NBEAL1: variants seen among roughly 807,000 people sequenced by gnomAD.
NBEAL1 encodes the protein neurobeachin like 1, also known as neurobeachin-like protein 1.
Under a neutral mutation model 351.3 loss-of-function variants are expected in NBEAL1, and 273 were observed. The observed-to-expected ratio is 0.78, with a 90% CI of 0.70 to 0.86. The LOEUF (loss-of-function observed/expected upper bound fraction) is 0.86. Among genes scored for constraint, NBEAL1 ranks in the 40% least tolerant of loss-of-function variants. NBEAL1 has a pLI of 0.00. For synonymous variants in NBEAL1, 1,050 were observed against 1,086.4 expected, an observed-to-expected ratio of 0.97 and a Z score of 0.66; for missense variants, 2,961 against 3,201.3, an observed-to-expected ratio of 0.92 and a Z score of 1.81.
Position 203,136,774 on chromosome 2 carries a change from C to A in NBEAL1, c.4565C>A (p.Thr1522Asn). Residue 1522 changes from threonine to asparagine, a missense_variant and splice_region_variant, in exon 29 of 56, where the codon ACT (threonine) becomes AAT (asparagine). By Grantham distance (65) the Thr-to-Asn change is moderately conservative. Transcript: ENST00000683969. ...LLRPSDEIKL[T>N]LLQKMLEWAI... ...CGACCATCAGATGAAATAAAACTAA[C>A]GTAAGCATTTAGTTAGTGATTTTCC... is the stretch of plus-strand genomic sequence containing the variant. 1 of 1,610,984 alleles carries A rather than the reference C, an allele frequency of 6.2e-7. No homozygotes were observed. The highest frequency in any genetic ancestry group is 8.5e-7 in the Non-Finnish European group (1 of 1,178,540).
intron 41 of NBEAL1, among the ~76,000 whole-genome samples, chr2:203,173,356 C>A (rs979554460): frequency 1.3e-5 from 2 of 152,020 alleles, no homozygotes; most frequent in African/African-American, 4.8e-5. Flanking sequence ...ACCCTGTCAA[C>A]TTCTCACAAT....
intron 41 of NBEAL1, 79 bp from the exon 42 acceptor site, chr2:203,175,068 C>A: frequency 8.2e-7 from 1 of 1,221,784 alleles, no homozygotes; most frequent in Non-Finnish European, 1.2e-6. Context: ...ACTGTATTTT[C>A]AGAAATAAAA....
intron 12 of NBEAL1, among the ~76,000 whole-genome samples, chr2:203,103,253 C>G (rs927577450): frequency 3.3e-5 from 5 of 151,610 alleles, no homozygotes; most frequent in African/African-American, 1.2e-4. Context: ...AGAATCAACT[C>G]CTGGAATTGT....
rs924577163 is a variant in NBEAL1, at chr2:203,122,690, C to A, written c.2682+347C>A. Among the ~76,000 whole-genome samples, 3 of 152,078 alleles carry A rather than the reference C, an allele frequency of 2.0e-5. No homozygotes were observed. The South Asian group carries it at 6.2e-4, about 31-fold the overall frequency. On this transcript the variant is annotated intron_variant, in intron 19 of 55. Coordinates refer to ENST00000683969, the MANE Select transcript of NBEAL1 (RefSeq NM_001378026.1). ...GTATGGGTTCTCAAATCTTATTTTC[C>A]TTTTTCATTGGCCTCATATTTATGT...
intron 2 of NBEAL1, chr2:203,040,995 C>A (rs936721): frequency 0.48 from 110,735 of 231,974 alleles, 28,643 homozygotes; most frequent in Middle Eastern, 0.65. Flanking sequence ...TATTCCCTGC[C>A]TTATCTTCAA....
rs184608475 is a variant in NBEAL1 at position 203,184,057 on chromosome 2, G to A, written c.6705+669G>A. ...CACGCCGTTGCATTCCAGCCCAGGC[G>A]ACAGAGCGAGACTGTCTAAAAAAAA... On this transcript the variant is annotated intron_variant, in intron 44 of 55. Coordinates refer to ENST00000683969, the MANE Select transcript of NBEAL1 (RefSeq NM_001378026.1). Among the ~76,000 whole-genome samples, 365 of 131,350 alleles carry A rather than the reference G, an allele frequency of 2.8e-3. 2 individuals are homozygous for A. Among genetic ancestry groups the A allele is most frequent in the African/African-American group, 9.8e-3 (338 of 34,408 alleles). The allele number at this position is 131,350 out of a possible 152,430, so 86.2% of individuals were successfully genotyped here.
intron 10 of NBEAL1, among the ~76,000 whole-genome samples, chr2:203,094,226 GTATATTAAATA>G (rs2062129935): frequency 3.3e-5 from 5 of 152,048 alleles, no homozygotes; most frequent in Non-Finnish European, 5.9e-5. Context: ...AATGTTTTCT[GTATATTAAATA>G]TAGGAGAATC....
chr2:203,127,699 G>T, intron 23 of NBEAL1, 82 bp from the exon 24 acceptor site: 1 of 852,466 alleles, frequency 1.2e-6, no homozygotes, highest in South Asian at 1.7e-5. Context: ...TCCAGCCTGG[G>T]CAACAGAGCG....
chr2:203,135,599 A>C (rs771194613), intron 27 of NBEAL1, 78 bp from the exon 28 acceptor site: 22 of 875,046 alleles, frequency 2.5e-5, no homozygotes, highest in Non-Finnish European at 3.4e-5. Context: ...CTTATCATTA[A>C]AATAACTGAA....
chr2:203,208,507 G>A lies in NBEAL1; in HGVS notation c.7507-130G>A, dbSNP rs943422503. 81 of 659,928 alleles carry A rather than the reference G, an allele frequency of 1.2e-4. No homozygotes were observed. In the Middle Eastern group the frequency reaches 1.6e-3, roughly 13 times the overall value. The allele number at this position is 659,928 out of a possible 1,614,324, so 40.9% of individuals were successfully genotyped here. On this transcript the variant is annotated intron_variant, in intron 51 of 55. Coordinates refer to ENST00000683969, the MANE Select transcript of NBEAL1 (RefSeq NM_001378026.1). ...GAAATGTAAGAATGAGTACTATTAT[G>A]AATAGACTCAGTGGTTGTAACTAGT... is the stretch of plus-strand genomic sequence containing the variant.
intron 4 of NBEAL1, among the ~76,000 whole-genome samples, chr2:203,056,015 T>C (rs937833018): frequency 6.6e-6 from 1 of 152,194 alleles, no homozygotes; most frequent in African/African-American, 2.4e-5. Context: ...GCACATGTTA[T>C]AATGAAAACA....
chr2:203,017,157 A>G (rs1386115292), intron 2 of NBEAL1, among the ~76,000 whole-genome samples: 3 of 152,122 alleles, frequency 2.0e-5, no homozygotes, highest in African/African-American at 7.2e-5. Flanking sequence ...TGAGAAGAGT[A>G]CTCCTTAAAA....
intron 33 of NBEAL1, among the ~76,000 whole-genome samples, chr2:203,148,433 G>A (rs370264961): frequency 2.0e-4 from 30 of 152,002 alleles, no homozygotes; most frequent in African/African-American, 7.2e-4. Flanking sequence ...TCTTTTTAAT[G>A]TAATTCAGTG....
chr2:203,071,533 G>GT (rs2061682413), intron 7 of NBEAL1, among the ~76,000 whole-genome samples: 1 of 151,852 alleles, frequency 6.6e-6, no homozygotes, highest in Non-Finnish European at 1.5e-5. Flanking sequence ...CTCTGTCCTT[G>GT]CCCCCCCATT....
chr2:203,136,311 A>G, intron 28 of NBEAL1, 59 bp downstream of exon 28: 5 of 1,160,442 alleles, frequency 4.3e-6, no homozygotes, highest in Non-Finnish European at 6.0e-6. Context: ...ATATACTTCT[A>G]ATCCTTAGAA....
At chr2:203,172,226 A>G (rs2064342520) in intron 40 of NBEAL1, among the ~76,000 whole-genome samples, 1 of 152,190 alleles carries the variant, frequency 6.6e-6, no homozygotes, top group Admixed American at 6.5e-5. Context: ...CACTTCCTTG[A>G]AAATATCCAG....
intron 6 of NBEAL1, among the ~76,000 whole-genome samples, chr2:203,068,177 T>C (rs1467664850): frequency 6.6e-6 from 1 of 152,186 alleles, no homozygotes; most frequent in East Asian, 1.9e-4. Context: ...TTAAACTAGC[T>C]ACCATGTTGC....
chr2:203,024,120 C>A (rs1238081907), intron 2 of NBEAL1, among the ~76,000 whole-genome samples: 1 of 150,282 alleles, frequency 6.7e-6, no homozygotes, highest in African/African-American at 2.5e-5. Flanking sequence ...TGCTTGAGCT[C>A]GGGAGTTTCA....
At chr2:203,088,415 C>G (rs1574951903) in intron 10 of NBEAL1, among the ~76,000 whole-genome samples, 1 of 152,002 alleles carries the variant, frequency 6.6e-6, no homozygotes, top group Non-Finnish European at 1.5e-5. Context: ...CAAATAAACC[C>G]CTCAGTGATG....
Sources: allele counts gnomAD v4.1 joint callset (sites outside exome capture counted in the v4.1 genomes callset), GRCh38; gene constraint gnomAD v4.1.1; transcripts MANE v1.5; gene names NCBI Gene and HGNC (gene_info 2026-07-23, HGNC 2026-07-21).